ECPAS: variants seen among roughly 807,000 people sequenced by gnomAD.
ECPAS encodes proteasome adapter and scaffold protein ECM29.
A neutral mutation model predicts 255.1 loss-of-function variants in ECPAS; 70 were observed. The ratio of observed to expected loss-of-function variants is 0.27; its 90% confidence interval spans 0.23 to 0.33. The LOEUF (loss-of-function observed/expected upper bound fraction) is 0.33, where lower values mean the gene tolerates loss of function less well. ECPAS is among the 10% of genes least tolerant of loss of function. The pLI, the probability that ECPAS is intolerant of heterozygous loss-of-function variation, is 1.00. For missense variants in ECPAS, 1,817 were observed against 2,206.4 expected (o/e 0.82, Z 3.54); for synonymous variants, 784 against 775.0 (o/e 1.01, Z -0.19).
intron 18 of ECPAS, among the ~76,000 whole-genome samples, chr9:111,415,435 C>A (rs1256285468): frequency 6.6e-6 from 1 of 152,142 alleles, no homozygotes; most frequent in African/African-American, 2.4e-5. Context: ...CACAGTGGCT[C>A]ACGCCTGTAA....
chr9:111,379,988 T>C (rs2098138511), intron 35 of ECPAS, among the ~76,000 whole-genome samples: 1 of 152,214 alleles, frequency 6.6e-6, no homozygotes, highest in African/African-American at 2.4e-5. Flanking sequence ...ATTAATGACA[T>C]TTTGACCTCC....
chr9:111,389,447 C>T, intron 31 of ECPAS, 109 bp downstream of exon 31: 5 of 988,632 alleles, frequency 5.1e-6, no homozygotes, highest in South Asian at 2.7e-5. Context: ...TTTGTTTAAA[C>T]AAGTAAACAT....
chr9:111,411,696 CA>C (rs1306825737), intron 21 of ECPAS: 3 of 218,054 alleles, frequency 1.4e-5, no homozygotes, highest in Non-Finnish European at 2.7e-5. Flanking sequence ...GCTTAGTTTC[CA>C]AGATCAGATG....
intron 17 of ECPAS, 149 bp from the exon 18 acceptor site, chr9:111,416,501 T>C (rs759680432): frequency 5.7e-5 from 36 of 633,648 alleles, no homozygotes; most frequent in African/African-American, 4.4e-4. Flanking sequence ...CTATTAACCA[T>C]GCTGATCGTG....
intron 46 of ECPAS, among the ~76,000 whole-genome samples, chr9:111,368,772 T>C (rs1033382842): frequency 6.6e-6 from 1 of 152,204 alleles, no homozygotes; most frequent in Non-Finnish European, 1.5e-5. Flanking sequence ...CTCAGACTTC[T>C]ATCCTCCAGA....
intron 30 of ECPAS, 21 bp downstream of exon 30, chr9:111,389,963 T>C: frequency 6.8e-7 from 1 of 1,469,524 alleles, no homozygotes; most frequent in South Asian, 1.2e-5. Context: ...AATAAATAAT[T>C]GTCCAGTGAT....
intron 25 of ECPAS, among the ~76,000 whole-genome samples, chr9:111,395,959 G>A (rs1279677900): frequency 6.6e-6 from 1 of 152,178 alleles, no homozygotes. Flanking sequence ...GCAAGCAAAA[G>A]TGTGTTTTTC....
rs2098127854 is a variant in ECPAS, at chr9:111,371,959, T to A, written c.4529-130A>T. ...TCAACTGTTAAAACACACCACTCTCTCAAAGGGAGAGAAAGTGTGTTGGTG... is the reference window on the plus strand; with the variant it reads ...TCAACTGTTAAAACACACCACTCTCACAAAGGGAGAGAAAGTGTGTTGGTG... On this transcript the variant is annotated intron_variant, in intron 42 of 49. Coordinates refer to ENST00000684092, the MANE Select transcript of ECPAS (RefSeq NM_001364929.1). The A allele has an allele frequency of 4.4e-6, 3 of 681,000 alleles. No individual in the cohort carries two copies. The Admixed American group carries it at 8.5e-5, about 19-fold the overall frequency. 42.2% of individuals were successfully genotyped at this position (681,000 alleles called of 1,614,324 possible). A position where few individuals can be genotyped will look rare whatever the true frequency, so the allele number is the denominator to read the frequency against.
At chr9:111,391,438 G>A (rs2098159966) in intron 29 of ECPAS, among the ~76,000 whole-genome samples, 2 of 152,094 alleles carry the variant, frequency 1.3e-5, no homozygotes, top group Non-Finnish European at 1.5e-5. Flanking sequence ...TTAGCCAGGC[G>A]TGGTGGCAGG....
Position 111,451,535 on chromosome 9 carries a change from A to G in ECPAS, c.43T>C (p.Leu15=), listed in dbSNP as rs755389035. The G allele has an allele frequency of 1.3e-5, 20 of 1,575,448 alleles. No individual in the cohort carries two copies. The highest frequency in any genetic ancestry group is 1.7e-5 in the Non-Finnish European group (20 of 1,161,110). Reference sequence around the variant, plus strand: ...TCTGTTTCAGCATGGCCAAGTCGTAAAAAGACCCGTTCAAGCTGATCTATA... The same window carrying G: ...TCTGTTTCAGCATGGCCAAGTCGTAGAAAGACCCGTTCAAGCTGATCTATA... The part of the protein sequence containing the change: ...DCRDQLERVF[L]RLGHAETDEQ... The change falls in exon 3 of 50, where the codon TTA becomes CTA. Residue 15 remains leucine, a synonymous_variant. Coordinates refer to ENST00000684092, the MANE Select transcript of ECPAS (RefSeq NM_001364929.1).
At chr9:111,369,616 G>A (rs1330973745) in intron 45 of ECPAS, among the ~76,000 whole-genome samples, 1 of 152,088 alleles carries the variant, frequency 6.6e-6, no homozygotes, top group Non-Finnish European at 1.5e-5. Flanking sequence ...TGTTTGTAAT[G>A]GAAATTATTT....
chr9:111,480,607 T>C (rs2098303368), intron 1 of ECPAS, among the ~76,000 whole-genome samples: 1 of 152,150 alleles, frequency 6.6e-6, no homozygotes, highest in Non-Finnish European at 1.5e-5. Context: ...CAAAAGCACA[T>C]TTTATCAGCA....
chr9:111,443,681 T>A (rs1434586811), intron 4 of ECPAS, among the ~76,000 whole-genome samples: 1 of 152,166 alleles, frequency 6.6e-6, no homozygotes, highest in Non-Finnish European at 1.5e-5. Context: ...GAGCCAAATA[T>A]CCAGAACAGA....
At chr9:111,476,574 ATTTT>A (rs58723893) in intron 1 of ECPAS, among the ~76,000 whole-genome samples, 1 of 105,938 alleles carries the variant, frequency 9.4e-6, no homozygotes, top group Non-Finnish European at 1.8e-5. Flanking sequence ...TAACATCAGA[ATTTT>A]TTTTTTTTTT....
intron 1 of ECPAS, among the ~76,000 whole-genome samples, chr9:111,482,295 AAAAGCAAACAGTACTCCTG>A (rs2098306903): frequency 6.6e-6 from 1 of 152,190 alleles, no homozygotes; most frequent in African/African-American, 2.4e-5. Context: ...CAGCTTCAAA[AAAAGCAAACAGTACTCCTG>A]CTCCACCAGT....
intron 25 of ECPAS, among the ~76,000 whole-genome samples, chr9:111,394,799 G>C (rs1276818432): frequency 6.6e-6 from 1 of 152,136 alleles, no homozygotes; most frequent in Admixed American, 6.6e-5. Context: ...CTAGAGACCA[G>C]TGGCACCCAC....
intron 15 of ECPAS, 137 bp downstream of exon 15, chr9:111,421,784 A>G: frequency 1.9e-6 from 2 of 1,027,674 alleles, no homozygotes; most frequent in Non-Finnish European, 2.8e-6. Context: ...CATCATGAAG[A>G]ATTAAAAATA....
chr9:111,370,869 A>G, intron 43 of ECPAS, 104 bp from the exon 44 acceptor site: 1 of 1,000,038 alleles, frequency 1.0e-6, no homozygotes, highest in Middle Eastern at 2.2e-4. Context: ...TAACTATGAC[A>G]ACAAAAATTA....
intron 3 of ECPAS, among the ~76,000 whole-genome samples, chr9:111,445,808 T>G (rs1381891673): frequency 1.3e-5 from 2 of 152,186 alleles, no homozygotes; most frequent in Non-Finnish European, 2.9e-5. Context: ...GTATTTCTCC[T>G]AATGGTATCC....
Sources: allele counts gnomAD v4.1 joint callset (sites outside exome capture counted in the v4.1 genomes callset), GRCh38; gene constraint gnomAD v4.1.1; transcripts MANE v1.5; gene names NCBI Gene and HGNC (gene_info 2026-07-23, HGNC 2026-07-21).